Variants in MINDY3 observed in about 807,000 individuals in gnomAD.
MINDY3 encodes the protein ubiquitin carboxyl-terminal hydrolase MINDY-3.
MINDY3 carries 38 observed loss-of-function variants against 69.2 expected under a neutral mutation model. That is an observed-to-expected ratio of 0.55 (90% CI 0.42 to 0.72). MINDY3 has a LOEUF of 0.72. Ranked by LOEUF, MINDY3 falls within the 30% of genes least tolerant of loss-of-function variation. MINDY3 has a pLI of 0.00. For synonymous variants in MINDY3, 192 were observed against 180.1 expected, an observed-to-expected ratio of 1.07 and a Z score of -0.53; for missense variants, 522 against 519.0, an observed-to-expected ratio of 1.01 and a Z score of -0.06.
chr10:15,817,602 A>G (rs1203890545), intron 9 of MINDY3: 2 of 152,236 alleles, frequency 1.3e-5, no homozygotes, highest in Non-Finnish European at 2.9e-5. Context: ...GTTTAATACT[A>G]AACAAACAGA....
intron 1 of MINDY3, 105 bp downstream of exon 1, chr10:15,860,101 G>C (rs1834989559): frequency 2.4e-6 from 2 of 825,010 alleles, no homozygotes; most frequent in African/African-American, 3.4e-5. Context: ...GGCGACTGGG[G>C]CAGAGAGCGG....
chr10:15,838,430 C>A, intron 4 of MINDY3, 151 bp from the exon 5 acceptor site: 1 of 534,946 alleles, frequency 1.9e-6, no homozygotes, highest in Non-Finnish European at 3.1e-6. Flanking sequence ...TTCATTATAA[C>A]ATGAATTTAT....
chr10:15,800,585 G>T (rs1838186486), intron 10 of MINDY3, among the ~76,000 whole-genome samples: 1 of 151,902 alleles, frequency 6.6e-6, no homozygotes, highest in Non-Finnish European at 1.5e-5. Context: ...GTGCAATACT[G>T]TAACTCTTGA....
rs539842930 is a variant in MINDY3, at chr10:15,823,889, G to A, written c.731-2163C>T. 2.6e-4 allele frequency among the ~76,000 whole-genome samples: 40 copies of A among 152,252 alleles called. No homozygotes were observed. In the South Asian group the frequency reaches 8.3e-3, roughly 32 times the overall value. ...TTGTTTAGATCCCACATATAAGTAA[G>A]AGCGTGTGATTTTGTCTTTTTCTTC... On this transcript the variant is annotated intron_variant, in intron 8 of 14. Transcript: ENST00000277632.
At chr10:15,834,682 C>A in intron 6 of MINDY3, 66 bp from the exon 7 acceptor site, 1 of 1,108,466 alleles carries the variant, frequency 9.0e-7, no homozygotes, top group African/African-American at 1.5e-5. Flanking sequence ...TGTTTAAAAA[C>A]TGACTAGTTT....
At chr10:15,849,964 C>T (rs932922293) in intron 1 of MINDY3, among the ~76,000 whole-genome samples, 10 of 152,048 alleles carry the variant, frequency 6.6e-5, no homozygotes, top group East Asian at 5.8e-4. Context: ...GTGAATGTTG[C>T]GGGAAGTTAG....
At chr10:15,853,432 G>T (rs2132142457) in intron 1 of MINDY3, among the ~76,000 whole-genome samples, 1 of 152,124 alleles carries the variant, frequency 6.6e-6, no homozygotes, top group South Asian at 2.1e-4. Flanking sequence ...ATACATTGCT[G>T]GTTCCTTAGC....
chr10:15,787,361 G>A (rs150830444), intron 12 of MINDY3, among the ~76,000 whole-genome samples: 1 of 152,062 alleles, frequency 6.6e-6, no homozygotes, highest in African/African-American at 2.4e-5. Flanking sequence ...CAGTTTAATG[G>A]GTTTAAAAAT....
At chr10:15,799,817 T>C (rs547532126) in intron 10 of MINDY3, among the ~76,000 whole-genome samples, 10 of 152,272 alleles carry the variant, frequency 6.6e-5, no homozygotes, top group African/African-American at 2.2e-4. Context: ...AACATCCAAG[T>C]AGAATACATG....
intron 1 of MINDY3, among the ~76,000 whole-genome samples, chr10:15,855,978 G>A (rs981422718): frequency 6.6e-6 from 1 of 151,988 alleles, no homozygotes; most frequent in African/African-American, 2.4e-5. Context: ...TGTCATATAT[G>A]CTTACCAATT....
At chr10:15,856,160 G>A (rs1024138264) in intron 1 of MINDY3, among the ~76,000 whole-genome samples, 1 of 151,900 alleles carries the variant, frequency 6.6e-6, no homozygotes, top group Non-Finnish European at 1.5e-5. Context: ...ATGTTGGTGT[G>A]TCATTTTATT....
At chr10:15,853,121 GAAAAAGGA>G (rs2132140896) in intron 1 of MINDY3, among the ~76,000 whole-genome samples, 1 of 152,144 alleles carries the variant, frequency 6.6e-6, no homozygotes, top group Admixed American at 6.5e-5. Flanking sequence ...TGGCAGAAGG[GAAAAAGGA>G]ATGATAGTTT....
chr10:15,821,608 T>C (rs752448966), intron 9 of MINDY3, 48 bp downstream of exon 9: 4 of 1,402,600 alleles, frequency 2.9e-6, no homozygotes, highest in Non-Finnish European at 4.0e-6. Flanking sequence ...TCCACAATAG[T>C]GGACATCTAA....
chr10:15,834,052 A>G (rs971609368), intron 7 of MINDY3, among the ~76,000 whole-genome samples: 16 of 152,008 alleles, frequency 1.1e-4, no homozygotes, highest in African/African-American at 3.6e-4. Context: ...TTGATGAAAG[A>G]TACATGAACT....
intron 2 of MINDY3, 125 bp from the exon 3 acceptor site, chr10:15,843,397 G>T: frequency 2.7e-6 from 2 of 743,534 alleles, no homozygotes; most frequent in Non-Finnish European, 4.7e-6. Context: ...GTTCTGTAAA[G>T]ATGTCAAATG....
At chr10:15,853,460 C>T (rs74757643) in intron 1 of MINDY3, among the ~76,000 whole-genome samples, 2,370 of 152,190 alleles carry the variant, frequency 0.016, 69 homozygotes, top group African/African-American at 0.055. Context: ...GAGACAGTAA[C>T]ATCAAGCTGT....
At chr10:15,843,758 G>T (rs1348892970) in intron 2 of MINDY3, among the ~76,000 whole-genome samples, 1 of 152,014 alleles carries the variant, frequency 6.6e-6, no homozygotes, top group African/African-American at 2.4e-5. Context: ...AACTCAAAAA[G>T]GTACAAGATT....
chr10:15,833,619 AAT>A lies in MINDY3; in HGVS notation c.730+9_730+10del. The A allele has an allele frequency of 6.6e-7, 1 of 1,517,958 alleles. No individual in the cohort carries two copies. The highest frequency in any genetic ancestry group is 9.1e-7 in the Non-Finnish European group (1 of 1,093,728). The allele number at this position is 1,517,958 out of a possible 1,614,324, so 94.0% of individuals were successfully genotyped here. ...CATCAAAGAGAGCAACATAACAAGG[AAT>A]ATACTTACTCATTCCTGAGCACTCT... is the stretch of plus-strand genomic sequence containing the variant. On this transcript the variant is annotated intron_variant, in intron 8 of 14. Coordinates refer to ENST00000277632, the MANE Select transcript of MINDY3 (RefSeq NM_024948.4).
chr10:15,833,785 A>C, intron 7 of MINDY3, 76 bp from the exon 8 acceptor site: 1 of 927,752 alleles, frequency 1.1e-6, no homozygotes, highest in Non-Finnish European at 1.7e-6. Context: ...CAAAGTATAA[A>C]GTAATGACTT....
Sources: allele counts gnomAD v4.1 joint callset (sites outside exome capture counted in the v4.1 genomes callset), GRCh38; gene constraint gnomAD v4.1.1; transcripts MANE v1.5; gene names NCBI Gene and HGNC (gene_info 2026-07-23, HGNC 2026-07-21).